PDE5A: variants seen among roughly 807,000 people sequenced by gnomAD.
PDE5A encodes phosphodiesterase 5A.
PDE5A carries 67 observed loss-of-function variants against 110.2 expected under a neutral mutation model. The observed-to-expected ratio is 0.61, with a 90% CI of 0.50 to 0.75. The LOEUF (loss-of-function observed/expected upper bound fraction) is 0.75, where lower values mean the gene tolerates loss of function less well. Ranked by LOEUF, PDE5A falls within the 30% of genes least tolerant of loss-of-function variation. PDE5A has a pLI of 0.00. For synonymous variants in PDE5A, 328 were observed against 351.2 expected, an observed-to-expected ratio of 0.93 and a Z score of 0.74; for missense variants, 862 against 1,045.1, an observed-to-expected ratio of 0.82 and a Z score of 2.42.
chr4:119,518,846 C>T (rs531320441), intron 14 of PDE5A, among the ~76,000 whole-genome samples, 199 bp downstream of exon 14: 14 of 152,240 alleles, frequency 9.2e-5, no homozygotes, highest in African/African-American at 3.4e-4. Context: ...AGATTCTCAA[C>T]ATAAATATGT....
chr4:119,568,475 T>C (rs948770971), intron 3 of PDE5A, among the ~76,000 whole-genome samples: 1 of 152,140 alleles, frequency 6.6e-6, no homozygotes, highest in Non-Finnish European at 1.5e-5. Context: ...ACTCAACAAA[T>C]AGTGAAGTGC....
intron 9 of PDE5A, 50 bp from the exon 10 acceptor site, chr4:119,542,684 T>A: frequency 6.5e-7 from 1 of 1,532,152 alleles, no homozygotes; most frequent in Non-Finnish European, 9.0e-7. Context: ...TTATCATAGT[T>A]TTTGTGGACT....
intron 1 of PDE5A, among the ~76,000 whole-genome samples, chr4:119,611,641 T>C (rs944936163): frequency 4.2e-4 from 64 of 152,248 alleles, no homozygotes; most frequent in African/African-American, 1.4e-3. Flanking sequence ...ATTTGTCTCA[T>C]AAATGTTGCT....
Position 119,585,061 on chromosome 4 carries a change from G to A in PDE5A, c.831+11462C>T, listed in dbSNP as rs1037005387. ...GAGGCCGAGGTGGGCGGATCACAAG[G>A]TCAGGAGTTTGAGACCTGCCTGGCC... On this transcript the variant is annotated intron_variant, in intron 3 of 20. Coordinates refer to ENST00000354960, the MANE Select transcript of PDE5A (RefSeq NM_001083.4). 5.9e-5 allele frequency among the ~76,000 whole-genome samples: 9 copies of A among 152,226 alleles called. 1 individual carries two copies. Among genetic ancestry groups the A allele is most frequent in the Middle Eastern group, 3.4e-3 (1 of 294 alleles).
chr4:119,515,654 A>G (rs1020379485), intron 14 of PDE5A, among the ~76,000 whole-genome samples: 1 of 152,048 alleles, frequency 6.6e-6, no homozygotes, highest in Admixed American at 6.6e-5. Context: ...TCACTGTTCC[A>G]GTTTCTTGGA....
intron 9 of PDE5A, chr4:119,549,215 C>G (rs552914838): frequency 6.6e-6 from 1 of 152,322 alleles, no homozygotes; most frequent in Admixed American, 6.5e-5. Flanking sequence ...CTCAAAAAAA[C>G]TCTGCAGGCA....
chr4:119,627,103 C>A lies in PDE5A; in HGVS notation c.152+1417G>T, dbSNP rs1399773627. The A allele has an allele frequency of 6.2e-7, 1 of 1,607,552 alleles. No homozygotes were observed. On this transcript the variant is annotated intron_variant, in intron 1 of 20. Transcript: ENST00000354960. The surrounding 1 kb of genome is among the most constrained non-coding windows in gnomAD (Gnocchi z 4.6). Reference sequence around the variant, plus strand: ...ACCCAGCACCCGAGACCCGCCGCGCCCCCGGAAAAAGTGGGAAGGGACGTA... The same window carrying A: ...ACCCAGCACCCGAGACCCGCCGCGCACCCGGAAAAAGTGGGAAGGGACGTA...
At chr4:119,628,373 T>G in intron 1 of PDE5A, 147 bp downstream of exon 1, 1 of 539,704 alleles carries the variant, frequency 1.9e-6, no homozygotes, top group Non-Finnish European at 3.2e-6. Context: ...TTTTCGACTG[T>G]GCTCGCTTAG....
chr4:119,605,084 T>C (rs992687482), intron 2 of PDE5A, among the ~76,000 whole-genome samples: 3 of 152,274 alleles, frequency 2.0e-5, no homozygotes, highest in East Asian at 1.9e-4. Context: ...ATTTAAATCA[T>C]ACTGGTTCCC....
chr4:119,610,086 C>G (rs1729690920), intron 1 of PDE5A, among the ~76,000 whole-genome samples: 1 of 152,114 alleles, frequency 6.6e-6, no homozygotes, highest in South Asian at 2.1e-4. Context: ...TTTTTAAAAA[C>G]ATATAATTGT....
chr4:119,519,886 T>C (rs942282944), intron 13 of PDE5A, among the ~76,000 whole-genome samples: 1 of 152,144 alleles, frequency 6.6e-6, no homozygotes, highest in African/African-American at 2.4e-5. Flanking sequence ...TGGTTGAGTA[T>C]CCCTAATCTG....
intron 3 of PDE5A, among the ~76,000 whole-genome samples, chr4:119,573,937 G>A (rs1284386222): frequency 6.6e-6 from 1 of 151,990 alleles, no homozygotes; most frequent in African/African-American, 2.4e-5. Flanking sequence ...ATTAAAAAAA[G>A]GAGAAGGGTG....
chr4:119,525,841 G>T lies in PDE5A; in HGVS notation c.1633-146C>A. Reference sequence around the variant, plus strand: ...AAGACACTAGAAACCTTTTTGTACAGTGGCAACTCCACTCTCTGCATTTTT... The same window carrying T: ...AAGACACTAGAAACCTTTTTGTACATTGGCAACTCCACTCTCTGCATTTTT... On this transcript the variant is annotated intron_variant, in intron 11 of 20. Coordinates refer to ENST00000354960, the MANE Select transcript of PDE5A (RefSeq NM_001083.4). This position sits in a 1 kb window ranked among gnomAD's most constrained non-coding sequence, Gnocchi z 4.3. 1.5e-6 allele frequency: 1 copy of T among 683,692 alleles called. No homozygotes were observed. The highest frequency in any genetic ancestry group is 2.4e-6 in the Non-Finnish European group (1 of 417,034). The allele number at this position is 683,692 out of a possible 1,614,324, so 42.4% of individuals were successfully genotyped here.
intron 8 of PDE5A, 117 bp downstream of exon 8, chr4:119,553,521 C>T: frequency 1.4e-6 from 1 of 698,228 alleles, no homozygotes; most frequent in South Asian, 1.6e-5. Flanking sequence ...AGGGAAAGCA[C>T]AGATCATTCC....
chr4:119,558,644 T>A (rs1727623882), intron 7 of PDE5A, among the ~76,000 whole-genome samples: 1 of 152,206 alleles, frequency 6.6e-6, no homozygotes, highest in African/African-American at 2.4e-5. Context: ...TTAGGCCTGT[T>A]ACCTAATTTT....
At chr4:119,524,843 G>A (rs1427449923) in intron 12 of PDE5A, among the ~76,000 whole-genome samples, 1 of 151,958 alleles carries the variant, frequency 6.6e-6, no homozygotes, top group Non-Finnish European at 1.5e-5. Flanking sequence ...ATAATACATA[G>A]CCATTATGAA....
At position 119,553,726 on chromosome 4, in the gene PDE5A, A is replaced by AT; in HGVS notation, c.1219dup (p.Ile407AsnfsTer17). 2 of 1,582,036 alleles carry AT rather than the reference A, an allele frequency of 1.3e-6. No homozygotes were observed. Among genetic ancestry groups the AT allele is most frequent in the Non-Finnish European group, 1.7e-6 (2 of 1,151,074 alleles). The stretch of plus-strand genomic sequence containing the variant: ...GACATACTGAGCATACATGTAATTG[A>AT]TTTTGTTTGCATCATGTTCCCTGTG... On this transcript the variant is annotated frameshift_variant, in exon 8 of 21. Transcript: ENST00000354960. LOFTEE classifies it high-confidence loss of function.
At chr4:119,512,195 A>G (rs540717639) in intron 14 of PDE5A, among the ~76,000 whole-genome samples, 1 of 152,284 alleles carries the variant, frequency 6.6e-6, no homozygotes, top group Non-Finnish European at 1.5e-5. Context: ...GAGAAATCTG[A>G]GGGAAAAAGA....
intron 9 of PDE5A, 59 bp downstream of exon 9, chr4:119,552,491 T>G (rs981420900): frequency 8.4e-6 from 5 of 593,994 alleles, no homozygotes; most frequent in Non-Finnish European, 1.4e-5. Context: ...GAAAGAAGTA[T>G]AGCTGGGAAT....
Sources: allele counts gnomAD v4.1 joint callset (sites outside exome capture counted in the v4.1 genomes callset), GRCh38; gene constraint gnomAD v4.1.1; non-coding constraint Gnocchi (gnomAD v3.1); transcripts MANE v1.5; gene names NCBI Gene and HGNC (gene_info 2026-07-23, HGNC 2026-07-21).